The following UTRN variants were observed in gnomAD, a reference collection of about 807,000 sequenced individuals.
UTRN encodes utrophin.
In UTRN, 283 loss-of-function variants were observed where a neutral mutation model predicts 463.9. That is an observed-to-expected ratio of 0.61 (90% confidence interval 0.55 to 0.67). The LOEUF is 0.67. UTRN is among the 30% of genes least tolerant of loss of function. The probability of loss-of-function intolerance (pLI) is 0.00; values close to 1 mark genes in which losing one functional copy is unlikely to be tolerated. For missense variants in UTRN, 3,922 were observed against 4,084.3 expected (o/e 0.96, Z 1.08); for synonymous variants, 1,442 against 1,431.5 (o/e 1.01, Z -0.17).
intron 51 of UTRN, among the ~76,000 whole-genome samples, chr6:144,606,509 AG>A (rs1804863178): frequency 6.6e-6 from 1 of 152,170 alleles, no homozygotes; most frequent in African/African-American, 2.4e-5. Flanking sequence ...CATTCCAGTA[AG>A]TATCTGTTTT....
At position 144,658,834 on chromosome 6, in the gene UTRN, G is replaced by A. The variant is rs544920133; in HGVS notation, c.7480-19572G>A. ...TTGGAGTTTTTTTCTTTAAAGCGAT[G>A]ACACTTAAAACTTCCTGGAAGATGG... On this transcript the variant is annotated intron_variant, in intron 51 of 74. Transcript: ENST00000367545. Among the ~76,000 whole-genome samples the A allele has an allele frequency of 1.3e-4, 20 of 152,302 alleles. No individual in the cohort carries two copies. The South Asian group carries it at 4.1e-3, about 32-fold the overall frequency.
At chr6:144,582,566 A>G (rs1802068058) in intron 51 of UTRN, among the ~76,000 whole-genome samples, 2 of 152,192 alleles carry the variant, frequency 1.3e-5, no homozygotes, top group African/African-American at 2.4e-5. Flanking sequence ...AAACAGCTTT[A>G]TGGCAAATAC....
At chr6:144,602,729 A>G (rs1804394142) in intron 51 of UTRN, among the ~76,000 whole-genome samples, 2 of 152,198 alleles carry the variant, frequency 1.3e-5, no homozygotes, top group African/African-American at 4.8e-5. Flanking sequence ...TGAACACTGA[A>G]CACTTTCAGT....
chr6:144,767,860 T>A (rs547244744), intron 58 of UTRN, among the ~76,000 whole-genome samples: 29 of 152,300 alleles, frequency 1.9e-4, no homozygotes, highest in African/African-American at 7.0e-4. Context: ...TTTATAATTA[T>A]AATTGGAATG....
intron 46 of UTRN, among the ~76,000 whole-genome samples, chr6:144,545,892 C>T (rs887630005): frequency 2.0e-5 from 3 of 152,064 alleles, no homozygotes; most frequent in African/African-American, 4.8e-5. Context: ...TGGTGGCGGG[C>T]GCCTGTAATC....
intron 2 of UTRN, among the ~76,000 whole-genome samples, chr6:144,348,204 C>A (rs555038664): frequency 6.6e-6 from 1 of 152,222 alleles, no homozygotes; most frequent in South Asian, 2.1e-4. Context: ...AGGTTGACGA[C>A]CACACTCATC....
chr6:144,851,612 T>C lies in UTRN; in HGVS notation c.*615T>C, dbSNP rs180764451. ...ATCAAATATCTTATATATACACACA[T>C]ATGGTTTAAGCTACAGCCCTGTGTA... On this transcript the variant is annotated 3_prime_UTR_variant, in exon 75 of 75. Coordinates refer to ENST00000367545, the MANE Select transcript of UTRN (RefSeq NM_007124.3). The C allele has an allele frequency of 1.3e-5, 2 of 152,800 alleles. No individual in the cohort carries two copies. Among genetic ancestry groups the C allele is most frequent in the Admixed American group, 6.5e-5 (1 of 15,390 alleles). The allele number at this position is 152,800 out of a possible 1,614,324, so 9.5% of individuals were successfully genotyped here. A position where few individuals can be genotyped will look rare whatever the true frequency, so the allele number is the denominator to read the frequency against.
In UTRN at chr6:144,514,740, A is replaced by C. The variant is rs199820890; in HGVS notation, c.5164A>C (p.Ser1722Arg). The part of the protein sequence containing the change: ...LILMNARGSS[S>R]RELVEPKLAE... ...TTTGATGAATGCCCGTGGAAGCTCAAGCAGGGAGCTTGTAGAACCAAAGTT... is the reference window on the plus strand; with the variant it reads ...TTTGATGAATGCCCGTGGAAGCTCACGCAGGGAGCTTGTAGAACCAAAGTT... Residue 1722 changes from serine to arginine, a missense_variant, in exon 37 of 75, where the codon AGC becomes CGC. This residue lies in a region of UTRN where 2,349 missense variants were observed against 2,303.8 expected (regional missense o/e 1.02). Coordinates refer to ENST00000367545, the MANE Select transcript of UTRN (RefSeq NM_007124.3). The C allele has an allele frequency of 6.2e-7, 1 of 1,614,192 alleles. No individual in the cohort carries two copies. The highest frequency in any genetic ancestry group is 2.2e-5 in the East Asian group (1 of 44,878).
rs552205306 is a variant in UTRN, at chr6:144,512,242, T to C, written c.4944+1119T>C. Among the ~76,000 whole-genome samples, 15 of 152,210 alleles carry C rather than the reference T, an allele frequency of 9.9e-5. No homozygotes were observed. In the East Asian group the frequency reaches 2.9e-3, roughly 29 times the overall value. On this transcript the variant is annotated intron_variant, in intron 35 of 74. Transcript: ENST00000367545. Reference sequence around the variant, plus strand: ...CACATAGAATATGCTCATTAAATATTTTATATATTAATTTTTAATTACTAG... The same window carrying C: ...CACATAGAATATGCTCATTAAATATCTTATATATTAATTTTTAATTACTAG...
chr6:144,688,630 G>A (rs1782997457), intron 52 of UTRN, among the ~76,000 whole-genome samples: 1 of 152,094 alleles, frequency 6.6e-6, no homozygotes, highest in Admixed American at 6.5e-5. Flanking sequence ...ATGGTTTCAG[G>A]GGTGAAGACT....
At chr6:144,521,945 A>C in intron 39 of UTRN, 35 bp from the exon 40 acceptor site, 2 of 1,162,936 alleles carry the variant, frequency 1.7e-6, no homozygotes, top group Non-Finnish European at 1.1e-6. Context: ...AGATATATAT[A>C]TATATATATA....
intron 34 of UTRN, among the ~76,000 whole-genome samples, chr6:144,505,048 G>C (rs1794581552): frequency 1.3e-5 from 2 of 152,150 alleles, no homozygotes; most frequent in African/African-American, 4.8e-5. Context: ...CATTTTTGTG[G>C]AGGTGCTTAT....
At chr6:144,784,159 G>A (rs948013358) in intron 61 of UTRN, among the ~76,000 whole-genome samples, 2 of 152,188 alleles carry the variant, frequency 1.3e-5, no homozygotes, top group African/African-American at 2.4e-5. Context: ...GAATATGGTA[G>A]AGGTATACAT....
Position 144,338,331 on chromosome 6 carries a change from T to G in UTRN, c.79+46424T>G, listed in dbSNP as rs551500519. 3.3e-5 allele frequency among the ~76,000 whole-genome samples: 5 copies of G among 151,942 alleles called. No homozygotes were observed. In the South Asian group the frequency reaches 1.0e-3, roughly 32 times the overall value. On this transcript the variant is annotated intron_variant, in intron 2 of 74. Transcript: ENST00000367545. ...GTAGAATTTCCTAGCTGGACACAAATGGGTTAAAAAAAAAACCCGACATGC... is the reference window on the plus strand; with the variant it reads ...GTAGAATTTCCTAGCTGGACACAAAGGGGTTAAAAAAAAAACCCGACATGC...
At chr6:144,506,437 T>G (rs1264545255) in intron 34 of UTRN, among the ~76,000 whole-genome samples, 1 of 152,086 alleles carries the variant, frequency 6.6e-6, no homozygotes, top group East Asian at 1.9e-4. Context: ...CCTTTGGGAG[T>G]TCTTGTAAGG....
At chr6:144,587,408 G>A (rs1428039798) in intron 51 of UTRN, among the ~76,000 whole-genome samples, 1 of 152,182 alleles carries the variant, frequency 6.6e-6, no homozygotes, top group East Asian at 1.9e-4. Context: ...ATGTGTGGAC[G>A]TGGACAACAC....
intron 33 of UTRN, among the ~76,000 whole-genome samples, chr6:144,498,678 G>A (rs186720966): frequency 3.3e-5 from 5 of 150,018 alleles, no homozygotes; most frequent in South Asian, 4.2e-4. Context: ...TTTTTGAGAC[G>A]GGGTCTTGCT....
intron 53 of UTRN, among the ~76,000 whole-genome samples, chr6:144,719,483 A>G (rs907747289): frequency 2.6e-5 from 4 of 152,196 alleles, no homozygotes; most frequent in African/African-American, 9.7e-5. Flanking sequence ...AGGCTAAGGC[A>G]GGAGAATCGC....
In UTRN at chr6:144,754,117, C is replaced by CATAT. The variant is rs5880609; in HGVS notation, c.8356-593_8356-590dup. Reference sequence around the variant, plus strand: ...CTGTCTATTTCTCTCTCTCACTCCCCATATATATATATAATCTATTATCTA... The same window carrying CATAT: ...CTGTCTATTTCTCTCTCTCACTCCCCATATATATATATATATAATCTATTATCTA... On this transcript the variant is annotated intron_variant, in intron 56 of 74. Coordinates refer to ENST00000367545, the MANE Select transcript of UTRN (RefSeq NM_007124.3). Among the ~76,000 whole-genome samples the CATAT allele has an allele frequency of 1.8e-4, 27 of 151,140 alleles. No individual in the cohort carries two copies. In the South Asian group the frequency reaches 1.9e-3, roughly 11 times the overall value.
Sources: allele counts gnomAD v4.1 joint callset (sites outside exome capture counted in the v4.1 genomes callset), GRCh38; gene constraint gnomAD v4.1.1; regional missense constraint gnomAD v4.1.1; transcripts MANE v1.5; gene names NCBI Gene and HGNC (gene_info 2026-07-23, HGNC 2026-07-21).